Variants in BRCA2 observed in about 807,000 individuals in gnomAD.
The protein encoded by BRCA2 is breast cancer type 2 susceptibility protein.
In BRCA2, 203 loss-of-function variants were observed where a neutral mutation model predicts 276.7. The observed-to-expected ratio is 0.73, with a 90% CI of 0.65 to 0.82. The LOEUF is 0.82. BRCA2 is among the 40% of genes least tolerant of loss of function. The pLI is 0.00. For synonymous variants in BRCA2, 1,289 were observed against 1,338.4 expected (o/e 0.96, Z 0.81); for missense variants, 3,920 against 3,915.0 (o/e 1.00, Z -0.03).
In BRCA2 at chr13:32,340,678, G is replaced by C. The variant is rs35029074; in HGVS notation, c.6323G>C (p.Arg2108Pro). 1 of 1,608,968 alleles carries C rather than the reference G, an allele frequency of 6.2e-7. No individual in the cohort carries two copies. Among genetic ancestry groups the C allele is most frequent in the Non-Finnish European group, 8.5e-7 (1 of 1,178,794 alleles). The change falls in exon 11 of 27, where the codon CGT (arginine) becomes CCT (proline). Residue 2108 changes from arginine (R) to proline (P), a missense_variant. By Grantham distance (103) the Arg-to-Pro change is moderately radical. Coordinates refer to ENST00000380152, the MANE Select transcript of BRCA2 (RefSeq NM_000059.4). ...CAAAATGTATCAAAAATACTTCCTC[G>C]TGTTGATAAGAGAAACCCAGAGCAC... is the stretch of plus-strand genomic sequence containing the variant. ...SRQNVSKILP[R>P]VDKRNPEHCV... is the part of the protein sequence containing the mutation.
Position 32,319,131 on chromosome 13 carries a change from C to T in BRCA2, c.122C>T (p.Pro41Leu), listed in dbSNP as rs786201716. Residue 41 changes from proline (P) to leucine (L), a missense_variant, in exon 3 of 27, where the codon CCC becomes CTC. By Grantham distance (98) the Pro-to-Leu change is moderately conservative. Around this residue, in one of 2 missense-constraint regions of BRCA2, gnomAD observed 3,263 missense variants for 3,156.9 expected, o/e 1.03. Transcript: ENST00000380152. ...WFEELSSEAP[P>L]YNSEPAEESE... is the part of the protein sequence containing the mutation. ...GAAGAACTTTCTTCAGAAGCTCCAC[C>T]CTATAATTCTGAACCTGCAGAAGAA... 23 of 1,613,486 alleles carry T rather than the reference C, an allele frequency of 1.4e-5. No homozygotes were observed. The Middle Eastern group carries it at 3.5e-3, about 243-fold the overall frequency.
At chr13:32,389,124 A>G (rs2072980704) in intron 24 of BRCA2, among the ~76,000 whole-genome samples, 1 of 152,156 alleles carries the variant, frequency 6.6e-6, no homozygotes, top group Admixed American at 6.6e-5. Flanking sequence ...GACTTACAGC[A>G]GTCTACTAGT....
intron 16 of BRCA2, among the ~76,000 whole-genome samples, chr13:32,359,929 G>T (rs2072727722): frequency 6.6e-6 from 1 of 152,176 alleles, no homozygotes; most frequent in Non-Finnish European, 1.5e-5. Flanking sequence ...GCCCTGATGA[G>T]TCATACATTC....
At chr13:32,396,834 C>T (rs1291789371) in intron 25 of BRCA2, 64 bp from the exon 26 acceptor site, 4 of 1,590,860 alleles carry the variant, frequency 2.5e-6, no homozygotes, top group Non-Finnish European at 3.4e-6. Flanking sequence ...AAAGGAAATA[C>T]TTTTGGAAAC....
rs786203548 is a variant in BRCA2 at position 32,333,249 on chromosome 13, A to T, written c.1771A>T (p.Ile591Phe). ...STLKKKTNKFIYAIHDETSYK... is the reference protein window; with the variant it reads ...STLKKKTNKFFYAIHDETSYK... ...TTTGAAAAAGAAAACAAATAAGTTT[A>T]TTTATGCTATACATGATGAAACATC... Residue 591 changes from isoleucine to phenylalanine, a missense_variant, in exon 10 of 27, where the codon ATT becomes TTT. Transcript: ENST00000380152. 1.2e-6 allele frequency: 2 copies of T among 1,611,966 alleles called. No individual in the cohort carries two copies.
rs587781485 is a variant in BRCA2 at position 32,357,754 on chromosome 13, G to C, written c.7630G>C (p.Gly2544Arg). The change falls in exon 16 of 27, where the codon GGC becomes CGC. Residue 2544 changes from glycine (G) to arginine (R), a missense_variant. Physicochemically the swap from Gly to Arg is moderately radical, Grantham distance 125 (BLOSUM62 -2). Transcript: ENST00000380152. ...ACSHKQLYTY[G>R]VSKHCIKINS... Reference sequence around the variant, plus strand: ...TTATTTTGTGTAGCTGTATACGTATGGCGTTTCTAAACATTGCATAAAAAT... The same window carrying C: ...TTATTTTGTGTAGCTGTATACGTATCGCGTTTCTAAACATTGCATAAAAAT... The C allele has an allele frequency of 6.2e-7, 1 of 1,612,372 alleles. No individual in the cohort carries two copies. Among genetic ancestry groups the C allele is most frequent in the Non-Finnish European group, 8.5e-7 (1 of 1,178,752 alleles).
In BRCA2 at chr13:32,363,505, T is replaced by A. The variant is rs587782732; in HGVS notation, c.8303T>A (p.Leu2768His). 10 of 1,613,982 alleles carry A rather than the reference T, an allele frequency of 6.2e-6. No individual in the cohort carries two copies. Among genetic ancestry groups the A allele is most frequent in the Non-Finnish European group, 8.5e-6 (10 of 1,179,888 alleles). ...GGCTCTCCTGATGCCTGTACACCTC[T>A]TGAAGCCCCAGAATCTCTTATGTTA... ...LVGSPDACTP[L>H]EAPESLMLKI... is the part of the protein sequence containing the mutation. The change falls in exon 18 of 27, where the codon CTT becomes CAT. Residue 2768 changes from leucine (L) to histidine (H), a missense_variant. Leu to His is a moderately conservative substitution (Grantham distance 99). Around this residue, in one of 2 missense-constraint regions of BRCA2, gnomAD observed 3,263 missense variants for 3,156.9 expected, o/e 1.03. Coordinates refer to ENST00000380152, the MANE Select transcript of BRCA2 (RefSeq NM_000059.4).
chr13:32,358,917 G>C (rs545677056), intron 16 of BRCA2, among the ~76,000 whole-genome samples: 98 of 150,656 alleles, frequency 6.5e-4, no homozygotes, highest in African/African-American at 2.4e-3. Context: ...CTGGGCAACA[G>C]AGCAAGACCC....
In BRCA2 at chr13:32,329,634, A is replaced by G; in HGVS notation, c.681+142A>G. On this transcript the variant is annotated intron_variant, in intron 8 of 26. Coordinates refer to ENST00000380152, the MANE Select transcript of BRCA2 (RefSeq NM_000059.4). The stretch of plus-strand genomic sequence containing the variant: ...AGAAAGTCTCTAAACCTGGTCCTAT[A>G]TGTGATTTTAACTTCCTGTGAAACT... The G allele has an allele frequency of 7.2e-6, 5 of 696,878 alleles. No individual in the cohort carries two copies. The South Asian group carries it at 9.1e-5, about 13-fold the overall frequency. The allele number at this position is 696,878 out of a possible 1,614,324, so 43.2% of individuals were successfully genotyped here. A position where few individuals can be genotyped will look rare whatever the true frequency, so the allele number is the denominator to read the frequency against.
In BRCA2 at chr13:32,336,528, A is replaced by G. The variant is rs431825294; in HGVS notation, c.2173A>G (p.Lys725Glu). ...GQCENDPKSK[K>E]VSDIKEEVLA... ...GTGTGAAAATGATCCAAAAAGCAAA[A>G]AAGTTTCAGATATAAAAGAAGAGGT... Residue 725 changes from lysine (K) to glutamate (E), a missense_variant, in exon 11 of 27, where the codon AAA becomes GAA. This residue lies in a region of BRCA2 where 3,263 missense variants were observed against 3,156.9 expected (regional missense o/e 1.03). Coordinates refer to ENST00000380152, the MANE Select transcript of BRCA2 (RefSeq NM_000059.4). 6.2e-7 allele frequency: 1 copy of G among 1,613,968 alleles called. No homozygotes were observed. The highest frequency in any genetic ancestry group is 1.3e-5 in the African/African-American group (1 of 74,916).
intron 19 of BRCA2, 28 bp downstream of exon 19, chr13:32,370,585 A>G (rs766709113): frequency 5.0e-6 from 8 of 1,594,918 alleles, no homozygotes; most frequent in Non-Finnish European, 6.9e-6. Context: ...AACTTACCAT[A>G]TATTTCTTTC....
intron 13 of BRCA2, 37 bp from the exon 14 acceptor site, chr13:32,354,823 AC>A (rs2072675444): frequency 1.5e-6 from 2 of 1,317,402 alleles, no homozygotes; most frequent in Non-Finnish European, 2.2e-6. Flanking sequence ...TTATATGTGT[AC>A]TAGTCAATAA....
At chr13:32,387,991 G>A (rs938436556) in intron 24 of BRCA2, among the ~76,000 whole-genome samples, 2 of 152,096 alleles carry the variant, frequency 1.3e-5, no homozygotes, top group African/African-American at 4.8e-5. Flanking sequence ...TGATGGTAGT[G>A]GTCCCCTGGG....
intron 16 of BRCA2, among the ~76,000 whole-genome samples, chr13:32,358,950 G>A (rs112587255): frequency 1.5e-4 from 22 of 149,618 alleles, no homozygotes; most frequent in African/African-American, 4.7e-4. Flanking sequence ...GGCCAGGTGC[G>A]GTGGCTCACA....
intron 19 of BRCA2, 37 bp from the exon 20 acceptor site, chr13:32,370,919 A>T (rs746515276): frequency 6.2e-7 from 1 of 1,612,848 alleles, no homozygotes. Flanking sequence ...AATGTTATAT[A>T]TGTGACTTTT....
At chr13:32,350,941 C>G (rs2072645144) in intron 13 of BRCA2, among the ~76,000 whole-genome samples, 3 of 151,968 alleles carry the variant, frequency 2.0e-5, no homozygotes, top group Admixed American at 2.0e-4. Flanking sequence ...GTAAACACAC[C>G]AATCAGCGCT....
At chr13:32,370,353 T>C (rs2137596044) in intron 18 of BRCA2, 49 bp from the exon 19 acceptor site, 3 of 1,527,790 alleles carry the variant, frequency 2.0e-6, no homozygotes, top group South Asian at 1.1e-5. Context: ...TGTAATAGAA[T>C]TGAATACATA....
In BRCA2 at chr13:32,336,603, G is replaced by C. The variant is rs773125650; in HGVS notation, c.2248G>C (p.Asp750His). 5 of 1,614,034 alleles carry C rather than the reference G, an allele frequency of 3.1e-6. No individual in the cohort carries two copies. The highest frequency in any genetic ancestry group is 1.7e-6 in the Non-Finnish European group (2 of 1,179,976). ...ACAACATTCAAAAGTGGAATACAGT[G>C]ATACTGACTTTCAATCCCAGAAAAG... ...PVQHSKVEYS[D>H]TDFQSQKSLL... The change falls in exon 11 of 27, where the codon GAT becomes CAT. Residue 750 changes from aspartate to histidine, a missense_variant. Coordinates refer to ENST00000380152, the MANE Select transcript of BRCA2 (RefSeq NM_000059.4).
chr13:32,328,706 G>A (rs1476927634), intron 7 of BRCA2, among the ~76,000 whole-genome samples: 5 of 152,084 alleles, frequency 3.3e-5, no homozygotes, highest in Non-Finnish European at 5.9e-5. Context: ...GGTAAACAGC[G>A]AATAATTTTG....
Sources: allele counts gnomAD v4.1 joint callset (sites outside exome capture counted in the v4.1 genomes callset), GRCh38; gene constraint gnomAD v4.1.1; regional missense constraint gnomAD v4.1.1; transcripts MANE v1.5; gene names NCBI Gene and HGNC (gene_info 2026-07-23, HGNC 2026-07-21).